CACNA1S: variants seen among roughly 807,000 people sequenced by gnomAD.
The protein encoded by CACNA1S is voltage-dependent L-type calcium channel subunit alpha-1S.
CACNA1S carries 126 observed loss-of-function variants against 207.4 expected under a neutral mutation model. That is an observed-to-expected ratio of 0.61 (90% CI 0.53 to 0.70). CACNA1S has a LOEUF of 0.70. CACNA1S is among the 30% of genes least tolerant of loss of function. CACNA1S has a pLI of 0.00. For synonymous variants in CACNA1S, 960 were observed against 932.7 expected (o/e 1.03, Z -0.53); for missense variants, 2,349 against 2,422.8 (o/e 0.97, Z 0.64).
At chr1:201,084,174 A>G (rs112786916) in intron 9 of CACNA1S, among the ~76,000 whole-genome samples, 2 of 152,274 alleles carry the variant, frequency 1.3e-5, no homozygotes, top group African/African-American at 4.8e-5. Context: ...TATTATATTC[A>G]TTTATTTGAC....
Position 201,059,236 on chromosome 1 carries a change from T to C in CACNA1S, c.3478A>G (p.Ile1160Val), listed in dbSNP as rs1401623462. ...TTGAGGATCATCTCCAGGGTGAAGA[T>C]GATAGTGAAGGCCACATTGAGGATG... is the stretch of plus-strand genomic sequence containing the variant. ...SDILNVAFTIIFTLEMILKLM... is the reference protein window; with the variant it reads ...SDILNVAFTIVFTLEMILKLM... Residue 1160 changes from isoleucine to valine, a missense_variant, in exon 27 of 44, where the codon ATC becomes GTC. By Grantham distance (29) the Ile-to-Val change is conservative. Coordinates refer to ENST00000362061, the MANE Select transcript of CACNA1S (RefSeq NM_000069.3). The C allele has an allele frequency of 6.2e-7, 1 of 1,614,102 alleles. No individual in the cohort carries two copies. The highest frequency in any genetic ancestry group is 1.3e-5 in the African/African-American group (1 of 75,048).
intron 18 of CACNA1S, 68 bp from the exon 19 acceptor site, chr1:201,069,264 G>T: frequency 6.7e-7 from 1 of 1,493,906 alleles, no homozygotes; most frequent in Non-Finnish European, 9.3e-7. Flanking sequence ...AGCAGCAGCA[G>T]CAGCATAAAG....
chr1:201,103,625 C>T (rs574350090), intron 2 of CACNA1S, among the ~76,000 whole-genome samples: 18 of 152,264 alleles, frequency 1.2e-4, no homozygotes, highest in African/African-American at 4.3e-4. Context: ...TTCCACAGAC[C>T]CTTTTGGAGC....
chr1:201,043,543 G>A lies in CACNA1S; in HGVS notation c.4798-12C>T, dbSNP rs764751568. 7 of 1,613,778 alleles carry A rather than the reference G, an allele frequency of 4.3e-6. No individual in the cohort carries two copies. Among genetic ancestry groups the A allele is most frequent in the Admixed American group, 3.3e-5 (2 of 59,994 alleles). On this transcript the variant is annotated splice_polypyrimidine_tract_variant and intron_variant, in intron 39 of 43. Transcript: ENST00000362061. ...AGGCCTCCAGTCCTCTAGGGGCAAG[G>A]AGAAGAGCAGTGACTGGGGGTGAGG... is the stretch of plus-strand genomic sequence containing the variant.
In CACNA1S at chr1:201,112,234, G is replaced by A. The variant is rs987261263; in HGVS notation, c.106C>T (p.Leu36=). The A allele has an allele frequency of 3.7e-6, 6 of 1,613,958 alleles. No homozygotes were observed. The highest frequency in any genetic ancestry group is 5.1e-6 in the Non-Finnish European group (6 of 1,179,984). Residue 36 remains leucine (L), a synonymous_variant, in exon 1 of 44, where the codon CTG becomes TTG. Transcript: ENST00000362061. ...CAGGCCTTCCTCAGGGGGTTCTCCAGGGTCAGGCAGAACAAGGCCCGGGGT... is the reference window on the plus strand; with the variant it reads ...CAGGCCTTCCTCAGGGGGTTCTCCAAGGTCAGGCAGAACAAGGCCCGGGGT... ...RPPRALFCLT[L]ENPLRKACIS... is the part of the protein sequence containing the mutation.
chr1:201,046,152 A>ATATTTATT (rs200701982), intron 38 of CACNA1S, among the ~76,000 whole-genome samples: 1 of 124,012 alleles, frequency 8.1e-6, no homozygotes, highest in South Asian at 2.3e-4. Context: ...CCAATGGGAC[A>ATATTTATT]TATTTATTTA....
intron 40 of CACNA1S, 68 bp from the exon 41 acceptor site, chr1:201,041,657 G>C: frequency 8.5e-7 from 1 of 1,176,794 alleles, no homozygotes; most frequent in East Asian, 2.4e-5. Context: ...CTGCCTCTCT[G>C]GCCCCAAACA....
At chr1:201,071,177 A>G (rs2102133725) in intron 16 of CACNA1S, among the ~76,000 whole-genome samples, 1 of 152,226 alleles carries the variant, frequency 6.6e-6, no homozygotes, top group African/African-American at 2.4e-5. Flanking sequence ...CTCCCCTGAC[A>G]GCTACCTCCT....
At chr1:201,110,411 C>G (rs1166457402) in intron 1 of CACNA1S, 142 bp from the exon 2 acceptor site, 2 of 750,176 alleles carry the variant, frequency 2.7e-6, no homozygotes, top group Non-Finnish European at 4.7e-6. Context: ...CCACGCTGCT[C>G]CTTCCCTGAG....
At chr1:201,047,419 T>G (rs553314522) in intron 37 of CACNA1S, 106 bp downstream of exon 37, 2 of 1,241,746 alleles carry the variant, frequency 1.6e-6, no homozygotes, top group South Asian at 2.5e-5. Flanking sequence ...AAGGCATTTA[T>G]GGAGGATCTG....
At position 201,065,935 on chromosome 1, in the gene CACNA1S, T is replaced by C. The variant is rs369564844; in HGVS notation, c.2756A>G (p.Gln919Arg). 6.8e-6 allele frequency: 11 copies of C among 1,610,094 alleles called. No individual in the cohort carries two copies. The African/African-American group carries it at 1.2e-4, about 18-fold the overall frequency. Residue 919 changes from glutamine to arginine, a missense_variant, in exon 22 of 44, where the codon CAG becomes CGG. Transcript: ENST00000362061. ...NRAKGLKHVV[Q>R]CMFVAISTIG... Reference sequence around the variant, plus strand: ...GGTGCTGATGGCCACGAACATGCACTGCACCACGTGCTGGGGACAGAGGGG... The same window carrying C: ...GGTGCTGATGGCCACGAACATGCACCGCACCACGTGCTGGGGACAGAGGGG...
rs34515088 is a variant in CACNA1S at position 201,060,811 on chromosome 1, T to G, written c.3261A>C (p.Gln1087His). 12 of 1,614,060 alleles carry G rather than the reference T, an allele frequency of 7.4e-6. No individual in the cohort carries two copies. In the African/African-American group the frequency reaches 1.1e-4, roughly 14 times the overall value. Residue 1087 changes from glutamine to histidine, a missense_variant, in exon 26 of 44, where the codon CAA becomes CAC. By Grantham distance (24) the Gln-to-His change is conservative. Coordinates refer to ENST00000362061, the MANE Select transcript of CACNA1S (RefSeq NM_000069.3). ...KNCELDKNQR[Q>H]CVQYALKARP... ...GGGCCTTCAGGGCATACTGTACACA[T>G]TGGCGCTGTGACACATACAACAGGA...
At chr1:201,051,210 A>T in intron 32 of CACNA1S, 67 bp from the exon 33 acceptor site, 2 of 1,550,932 alleles carry the variant, frequency 1.3e-6, no homozygotes, top group East Asian at 4.5e-5. Flanking sequence ...GCTGGCAGTC[A>T]GGTGGCAGCA....
chr1:201,063,160 T>A (rs1248498090), intron 22 of CACNA1S, among the ~76,000 whole-genome samples: 1 of 151,608 alleles, frequency 6.6e-6, no homozygotes, highest in Non-Finnish European at 1.5e-5. Context: ...GCTTTGCAGA[T>A]TATTTATTAT....
Position 201,078,022 on chromosome 1 carries a change from G to A in CACNA1S, c.1476C>T (p.Phe492=). ...AGTCGAAGCGGTTGAAGATAGACATGAAGTACTGGCGCAGGCCCAGCCCGT... is the reference window on the plus strand; with the variant it reads ...AGTCGAAGCGGTTGAAGATAGACATAAAGTACTGGCGCAGGCCCAGCCCGT... The part of the protein sequence containing the change: ...KMYGLGLRQY[F]MSIFNRFDCF... Residue 492 remains phenylalanine, a synonymous_variant, in exon 11 of 44, where the codon TTC becomes TTT. Coordinates refer to ENST00000362061, the MANE Select transcript of CACNA1S (RefSeq NM_000069.3). 1 of 1,614,216 alleles carries A rather than the reference G, an allele frequency of 6.2e-7. No homozygotes were observed.
Position 201,062,464 on chromosome 1 carries a change from G to A in CACNA1S, c.2904C>T (p.Cys968=). Residue 968 remains cysteine, a splice_region_variant and synonymous_variant, in exon 23 of 44, where the codon TGC becomes TGT. Transcript: ENST00000362061. ...ACTGTGCTCCCTGCCCCATGTACCT[G>A]CACTCCTCCTCTGTCATCTTGGACA... is the stretch of plus-strand genomic sequence containing the variant. ...TDLSKMTEEE[C]RGYYYVYKDG... The A allele has an allele frequency of 6.2e-7, 1 of 1,605,970 alleles. No individual in the cohort carries two copies. Among genetic ancestry groups the A allele is most frequent in the Non-Finnish European group, 8.5e-7 (1 of 1,176,420 alleles).
chr1:201,090,188 G>A (rs1156398126), intron 5 of CACNA1S, among the ~76,000 whole-genome samples: 2 of 152,188 alleles, frequency 1.3e-5, no homozygotes, highest in Non-Finnish European at 2.9e-5. Flanking sequence ...AGAGGACATT[G>A]ATGGGTCTGT....
intron 16 of CACNA1S, among the ~76,000 whole-genome samples, chr1:201,070,861 G>T (rs1445004811): frequency 2.0e-5 from 3 of 152,146 alleles, no homozygotes; most frequent in Admixed American, 6.5e-5. Flanking sequence ...CCGACAAGGG[G>T]CAGGAGGGTT....
At position 201,051,132 on chromosome 1, in the gene CACNA1S, C is replaced by A. The variant is rs746423398; in HGVS notation, c.3965G>T (p.Gly1322Val). Residue 1322 changes from glycine (G) to valine (V), a missense_variant, in exon 33 of 44, where the codon GGT (glycine) becomes GTT (valine). By Grantham distance (109) the Gly-to-Val change is moderately radical. Transcript: ENST00000362061. The part of the protein sequence containing the change: ...AVLLLFRCAT[G>V]EAWQEILLAC... ...CAGTAGGATCTCCTGCCAGGCCTCA[C>A]CTGTTGCACACCTAGAGGACAGAAG... 2 of 1,614,250 alleles carry A rather than the reference C, an allele frequency of 1.2e-6. No individual in the cohort carries two copies. The highest frequency in any genetic ancestry group is 2.2e-5 in the South Asian group (2 of 91,088).
Sources: gnomAD v4.1 joint callset for allele counts (sites outside exome capture counted in the v4.1 genomes callset) on GRCh38, gnomAD v4.1.1 for gene constraint, MANE v1.5 for transcripts, NCBI Gene and HGNC (gene_info 2026-07-23, HGNC 2026-07-21) for gene names.